The following ROBO2 variants were observed in gnomAD, a reference collection of about 807,000 sequenced individuals.
ROBO2 encodes roundabout homolog 2.
In ROBO2, 53 loss-of-function variants were observed where a neutral mutation model predicts 160.8. That is an observed-to-expected ratio of 0.33 (90% CI 0.26 to 0.41). The LOEUF is 0.41. Ranked by LOEUF, ROBO2 falls within the 10% of genes least tolerant of loss-of-function variation. The pLI, the probability that ROBO2 is intolerant of heterozygous loss-of-function variation, is 1.00. For synonymous variants in ROBO2, 664 were observed against 611.7 expected, an observed-to-expected ratio of 1.09 and a Z score of -1.26; for missense variants, 1,577 against 1,722.4, an observed-to-expected ratio of 0.92 and a Z score of 1.49.
chr3:76,334,307 G>A (rs994877633), intron 2 of ROBO2, among the ~76,000 whole-genome samples: 15 of 151,968 alleles, frequency 9.9e-5, no homozygotes, highest in East Asian at 7.7e-4. Context: ...CTGGTCTTGC[G>A]TATTTATCAC....
At chr3:77,097,282 G>A (rs184909472) in intron 1 of ROBO2, among the ~76,000 whole-genome samples, 16 of 152,032 alleles carry the variant, frequency 1.1e-4, no homozygotes, top group Admixed American at 5.2e-4. Flanking sequence ...CATTCTTTAC[G>A]GCTCAATCTA....
chr3:76,953,581 T>C (rs957838082), intron 2 of ROBO2, among the ~76,000 whole-genome samples: 26 of 152,330 alleles, frequency 1.7e-4, no homozygotes, highest in Admixed American at 5.9e-4. Flanking sequence ...CAAGCTAGAA[T>C]TCCCTGATAG....
chr3:77,110,690 T>G (rs977330511), intron 2 of ROBO2, among the ~76,000 whole-genome samples: 9 of 148,460 alleles, frequency 6.1e-5, no homozygotes, highest in Non-Finnish European at 7.5e-5. Context: ...TATACATATA[T>G]ATATATAGAG....
At chr3:77,037,071 T>A (rs1233462600), upstream of ROBO2, among the ~76,000 whole-genome samples, 1 of 152,202 alleles carries the variant, frequency 6.6e-6, no homozygotes, top group Non-Finnish European at 1.5e-5. Flanking sequence ...CAGAAGGTAA[T>A]GTCTTTGTTC....
chr3:76,316,872 C>T (rs1483638883), intron 2 of ROBO2, among the ~76,000 whole-genome samples: 2 of 152,136 alleles, frequency 1.3e-5, no homozygotes, highest in African/African-American at 2.4e-5. Flanking sequence ...GTTCAGGGTC[C>T]CTGACTTCCT....
At chr3:76,579,591 A>C (rs1036032916) in intron 2 of ROBO2, among the ~76,000 whole-genome samples, 12 of 152,034 alleles carry the variant, frequency 7.9e-5, no homozygotes, top group African/African-American at 2.9e-4. Flanking sequence ...GTGAGATTTT[A>C]TCTTAATTAT....
At chr3:76,673,732 G>A (rs969335695) in intron 2 of ROBO2, among the ~76,000 whole-genome samples, 1 of 151,848 alleles carries the variant, frequency 6.6e-6, no homozygotes, top group Admixed American at 6.6e-5. Flanking sequence ...TTTTAGCAAG[G>A]TGAAAATGAA....
At chr3:77,200,492 T>C (rs1056935052) in intron 2 of ROBO2, among the ~76,000 whole-genome samples, 2 of 151,382 alleles carry the variant, frequency 1.3e-5, no homozygotes, top group Non-Finnish European at 2.9e-5. Context: ...CACCCCCTCA[T>C]CAGTCATACA....
At chr3:77,062,154 C>T (rs1203802315) in intron 1 of ROBO2, among the ~76,000 whole-genome samples, 3 of 152,062 alleles carry the variant, frequency 2.0e-5, no homozygotes, top group East Asian at 1.9e-4. Flanking sequence ...TTAAAACTTT[C>T]CCATTGTGGC....
intron 2 of ROBO2, among the ~76,000 whole-genome samples, chr3:76,386,647 T>C (rs2076905399): frequency 6.6e-6 from 1 of 152,096 alleles, no homozygotes; most frequent in Non-Finnish European, 1.5e-5. Flanking sequence ...TATAATTAAG[T>C]CTAAATAATC....
chr3:76,871,245 C>T (rs558472788), intron 2 of ROBO2, among the ~76,000 whole-genome samples: 1 of 152,256 alleles, frequency 6.6e-6, no homozygotes, highest in Admixed American at 6.5e-5. Context: ...TAACTGAATC[C>T]AGAATTTTGT....
At chr3:76,575,285 T>A (rs1460366057) in intron 2 of ROBO2, among the ~76,000 whole-genome samples, 2 of 151,966 alleles carry the variant, frequency 1.3e-5, no homozygotes, top group Non-Finnish European at 2.9e-5. Context: ...AATGGAAAAA[T>A]TTTGGAGGTA....
intron 2 of ROBO2, among the ~76,000 whole-genome samples, chr3:76,452,328 T>TC (rs1197428208): frequency 1.5e-4 from 22 of 151,632 alleles, no homozygotes; most frequent in African/African-American, 5.3e-4. Flanking sequence ...CCCTCCCCCT[T>TC]CCCCCCACAC....
intron 2 of ROBO2, among the ~76,000 whole-genome samples, chr3:76,488,716 TCTTGGAGGCC>T (rs2107484277): frequency 6.6e-6 from 1 of 152,100 alleles, no homozygotes; most frequent in South Asian, 2.1e-4. Flanking sequence ...GGAGCAGATA[TCTTGGAGGCC>T]ATTTGAGAAT....
At chr3:77,232,828 T>C (rs1028383577) in intron 2 of ROBO2, among the ~76,000 whole-genome samples, 1 of 152,206 alleles carries the variant, frequency 6.6e-6, no homozygotes, top group African/African-American at 2.4e-5. Flanking sequence ...CTGCCCATGA[T>C]TGCCTTTTCT....
chr3:76,903,025 C>T (rs1442112159), intron 2 of ROBO2, among the ~76,000 whole-genome samples: 1 of 151,822 alleles, frequency 6.6e-6, no homozygotes, highest in Non-Finnish European at 1.5e-5. Flanking sequence ...TCTTGTTTTA[C>T]AAGGAATATT....
At chr3:76,408,244 T>G in intron 2 of ROBO2, among the ~76,000 whole-genome samples, 1 of 152,134 alleles carries the variant, frequency 6.6e-6, no homozygotes, top group South Asian at 2.1e-4. Flanking sequence ...TGGATAATAG[T>G]TGGAAGGGAT....
intron 16 of ROBO2, among the ~76,000 whole-genome samples, chr3:77,581,397 G>A (rs2093915834): frequency 6.6e-6 from 1 of 152,050 alleles, no homozygotes; most frequent in South Asian, 2.1e-4. Flanking sequence ...TAGATACTGA[G>A]GATATTTTCT....
intron 2 of ROBO2, among the ~76,000 whole-genome samples, chr3:77,302,447 C>A (rs941940218): frequency 6.6e-6 from 1 of 152,054 alleles, no homozygotes; most frequent in African/African-American, 2.4e-5. Flanking sequence ...TTCCTTGTCT[C>A]CCATAATCAC....
Sources: gnomAD v4.1 joint callset for allele counts (sites outside exome capture counted in the v4.1 genomes callset) on GRCh38, gnomAD v4.1.1 for gene constraint, MANE v1.5 for transcripts, NCBI Gene and HGNC (gene_info 2026-07-23, HGNC 2026-07-21) for gene names.